Variants in SQLE observed in about 807,000 individuals in gnomAD.
SQLE encodes the protein squalene monooxygenase.
A neutral mutation model predicts 60.7 loss-of-function variants in SQLE; 29 were observed. The observed-to-expected ratio is 0.48, with a 90% CI of 0.36 to 0.65. SQLE has a LOEUF of 0.65. Ranked by LOEUF, SQLE falls within the 30% of genes least tolerant of loss-of-function variation. The probability of loss-of-function intolerance (pLI) is 0.00; values close to 1 mark genes in which losing one functional copy is unlikely to be tolerated. For missense variants in SQLE, 605 were observed against 684.1 expected, an observed-to-expected ratio of 0.88 and a Z score of 1.29; for synonymous variants, 237 against 246.8, an observed-to-expected ratio of 0.96 and a Z score of 0.37.
intron 7 of SQLE, 128 bp downstream of exon 7, chr8:125,011,760 A>G (rs1815042588): frequency 2.6e-6 from 2 of 755,660 alleles, no homozygotes; most frequent in Non-Finnish European, 4.3e-6. Flanking sequence ...TGCATTATTA[A>G]TACCAAAATT....
chr8:125,005,519 T>C lies in SQLE; in HGVS notation c.545-6T>C, dbSNP rs762186522. 6.4e-7 allele frequency: 1 copy of C among 1,573,900 alleles called. No individual in the cohort carries two copies. The highest frequency in any genetic ancestry group is 8.7e-7 in the Non-Finnish European group (1 of 1,154,980). ...ATTGATTGTTTTGAACTCGATTGCT[T>C]TGCAGATACAGTGGAAGGTCTTGAT... On this transcript the variant is annotated splice_polypyrimidine_tract_variant and splice_region_variant and intron_variant, in intron 2 of 10. Transcript: ENST00000265896.
At chr8:125,018,020 G>T (rs1459951897) in intron 7 of SQLE, 39 bp from the exon 8 acceptor site, 2 of 1,603,256 alleles carry the variant, frequency 1.2e-6, no homozygotes, top group Non-Finnish European at 1.7e-6. Flanking sequence ...TGTCTCAAGG[G>T]ATGCTCTAAA....
intron 1 of SQLE, 21 bp from the exon 2 acceptor site, chr8:125,003,155 T>G: frequency 1.3e-6 from 2 of 1,539,488 alleles, no homozygotes; most frequent in Non-Finnish European, 1.7e-6. Flanking sequence ...ATACCTAGTT[T>G]ACCTTTTTTT....
intron 4 of SQLE, among the ~76,000 whole-genome samples, chr8:125,007,987 T>C (rs867217206): frequency 1.2e-4 from 18 of 152,218 alleles, no homozygotes; most frequent in Admixed American, 1.3e-4. Flanking sequence ...GAAGGCAAGA[T>C]TCAACATAAA....
Position 125,019,289 on chromosome 8 carries a change from A to T in SQLE, c.1444+562A>T, listed in dbSNP as rs1815162856. Among the ~76,000 whole-genome samples the T allele has an allele frequency of 2.0e-5, 3 of 151,818 alleles. No homozygotes were observed. In the Admixed American group the frequency reaches 2.0e-4, roughly 10 times the overall value. Reference sequence around the variant, plus strand: ...ACAACTTAGCAGAAGCAGTGTTAGAAATGGAGGAAAAGAGGCCAGGCGAAA... The same window carrying T: ...ACAACTTAGCAGAAGCAGTGTTAGATATGGAGGAAAAGAGGCCAGGCGAAA... On this transcript the variant is annotated intron_variant, in intron 9 of 10. Coordinates refer to ENST00000265896, the MANE Select transcript of SQLE (RefSeq NM_003129.4).
intron 7 of SQLE, among the ~76,000 whole-genome samples, chr8:125,013,125 A>G (rs888557055): frequency 2.0e-5 from 3 of 152,088 alleles, no homozygotes; most frequent in African/African-American, 7.2e-5. Flanking sequence ...GTTGAGTTTC[A>G]AGAGTCCTTT....
At position 125,020,878 on chromosome 8, in the gene SQLE, T is replaced by G. The variant is rs1309736223; in HGVS notation, c.1532+7T>G. 1.2e-6 allele frequency: 2 copies of G among 1,606,750 alleles called. No homozygotes were observed. Among genetic ancestry groups the G allele is most frequent in the African/African-American group, 2.7e-5 (2 of 74,810 alleles). ...CTGTTGGGCTGCTTTCTGTGTAAGTTGTGATGGCACAGAGGATACAAACCT... is the reference window on the plus strand; with the variant it reads ...CTGTTGGGCTGCTTTCTGTGTAAGTGGTGATGGCACAGAGGATACAAACCT... On this transcript the variant is annotated splice_region_variant and intron_variant, in intron 10 of 10. Coordinates refer to ENST00000265896, the MANE Select transcript of SQLE (RefSeq NM_003129.4).
rs1048916224 is a variant in SQLE at position 124,999,142 on chromosome 8, G to A, written c.-262G>A. On this transcript the variant is annotated 5_prime_UTR_variant, in exon 1 of 11. Transcript: ENST00000265896. ...GGATTTCCTGGGCGAGGAGGAGCGA[G>A]TCTGCTCGGGAGCTGTTCCAGCAGG... 1.1e-5 allele frequency: 4 copies of A among 380,078 alleles called. No homozygotes were observed. In the Admixed American group the frequency reaches 1.4e-4, roughly 13 times the overall value. 23.5% of individuals were successfully genotyped at this position (380,078 alleles called of 1,614,324 possible).
intron 9 of SQLE, among the ~76,000 whole-genome samples, chr8:125,019,889 C>G (rs1815175782): frequency 6.6e-6 from 1 of 151,938 alleles, no homozygotes; most frequent in Non-Finnish European, 1.5e-5. Flanking sequence ...CCCCACCAAT[C>G]TCACTGGTTA....
chr8:125,007,456 A>G lies in SQLE; in HGVS notation c.791A>G (p.Gln264Arg). The G allele has an allele frequency of 6.4e-7, 1 of 1,554,168 alleles. No homozygotes were observed. The highest frequency in any genetic ancestry group is 8.7e-7 in the Non-Finnish European group (1 of 1,147,940). Residue 264 changes from glutamine to arginine, a missense_variant, in exon 4 of 11, where the codon CAG (glutamine) becomes CGG (arginine). By Grantham distance (43) the Gln-to-Arg change is conservative. Transcript: ENST00000265896. ...GAAGATGATGTTGTGATGGGAGTTC[A>G]GTACAAGGATAAAGAGACTGGAGAT... ...LEEDDVVMGV[Q>R]YKDKETGDIK...
At chr8:125,007,625 C>G (rs1440019017) in intron 4 of SQLE, 138 bp downstream of exon 4, 3 of 522,326 alleles carry the variant, frequency 5.7e-6, no homozygotes. Context: ...AGAAGTGTTT[C>G]AGATTTTTTA....
chr8:125,003,296 T>G lies in SQLE; in HGVS notation c.412T>G (p.Leu138Val), dbSNP rs372259692. The G allele has an allele frequency of 4.3e-6, 7 of 1,614,016 alleles. No homozygotes were observed. The highest frequency in any genetic ancestry group is 1.7e-5 in the Admixed American group (1 of 60,026). Residue 138 changes from leucine to valine, a missense_variant, in exon 2 of 11, where the codon TTG becomes GTG. Physicochemically the swap from Leu to Val is conservative, Grantham distance 32 (BLOSUM62 1). Coordinates refer to ENST00000265896, the MANE Select transcript of SQLE (RefSeq NM_003129.4). ...IVGAGVLGSA[L>V]AAVLSRDGRK... is the part of the protein sequence containing the mutation. ...GGGAGCTGGCGTGCTTGGCTCTGCT[T>G]TGGCAGCTGTGCTTTCCAGAGATGG...
intron 1 of SQLE, among the ~76,000 whole-genome samples, chr8:125,002,327 A>C (rs1005415902): frequency 1.3e-5 from 2 of 152,224 alleles, no homozygotes; most frequent in African/African-American, 4.8e-5. Flanking sequence ...AAGTGATATT[A>C]AATTAACATA....
At chr8:125,009,499 T>TA (rs943504323) in intron 6 of SQLE, among the ~76,000 whole-genome samples, 156 bp downstream of exon 6, 6 of 151,766 alleles carry the variant, frequency 4.0e-5, no homozygotes, top group Non-Finnish European at 8.8e-5. Flanking sequence ...CCCAAATTAA[T>TA]AAAAAAAAGT....
chr8:125,008,785 T>C (rs903120880), intron 4 of SQLE, among the ~76,000 whole-genome samples, 186 bp from the exon 5 acceptor site: 1 of 152,178 alleles, frequency 6.6e-6, no homozygotes, highest in African/African-American at 2.4e-5. Flanking sequence ...AGAGGAAGTA[T>C]CTAAACACTG....
At chr8:125,003,770 T>G (rs1305175988) in intron 2 of SQLE, among the ~76,000 whole-genome samples, 2 of 152,102 alleles carry the variant, frequency 1.3e-5, no homozygotes, top group Non-Finnish European at 2.9e-5. Context: ...CTTGTTACAG[T>G]GTTATTACTT....
At chr8:125,006,884 T>C (rs1814959630) in intron 3 of SQLE, among the ~76,000 whole-genome samples, 1 of 151,890 alleles carries the variant, frequency 6.6e-6, no homozygotes, top group Non-Finnish European at 1.5e-5. Context: ...TTTGTATTTT[T>C]AGTAGAGACG....
intron 1 of SQLE, among the ~76,000 whole-genome samples, chr8:125,000,236 A>T (rs561817273): frequency 3.1e-4 from 47 of 152,330 alleles, no homozygotes; most frequent in African/African-American, 9.9e-4. Flanking sequence ...ATGTCCTAAC[A>T]TAAAGGCCAG....
chr8:125,004,863 G>A (rs1056426871), intron 2 of SQLE, among the ~76,000 whole-genome samples: 2 of 151,926 alleles, frequency 1.3e-5, no homozygotes, highest in Non-Finnish European at 2.9e-5. Flanking sequence ...TTTTTCAACT[G>A]CTTTTGCTGC....
Sources: gnomAD v4.1 joint callset for allele counts (sites outside exome capture counted in the v4.1 genomes callset) on GRCh38, gnomAD v4.1.1 for gene constraint, MANE v1.5 for transcripts, NCBI Gene and HGNC (gene_info 2026-07-23, HGNC 2026-07-21) for gene names.